Variants in SUCO observed in about 807,000 individuals in gnomAD.
The protein encoded by SUCO is SUN domain containing ossification factor, also known as SUN domain-containing ossification factor.
A neutral mutation model predicts 148.1 loss-of-function variants in SUCO; 57 were observed. That is an observed-to-expected ratio of 0.38 (90% CI 0.31 to 0.48). The LOEUF is 0.48. Among genes scored for constraint, SUCO ranks in the 20% least tolerant of loss-of-function variants. The pLI is 0.96. For synonymous variants in SUCO, 470 were observed against 502.7 expected, an observed-to-expected ratio of 0.93 and a Z score of 0.87; for missense variants, 1,331 against 1,468.2, an observed-to-expected ratio of 0.91 and a Z score of 1.53.
Position 172,565,549 on chromosome 1 carries a change from A to C in SUCO, c.733-3470A>C, listed in dbSNP as rs144435197. On this transcript the variant is annotated intron_variant, in intron 6 of 23. Transcript: ENST00000263688. Reference sequence around the variant, plus strand: ...ACCCAGAGTGCCTGCATTTCAGCCAACGAGGGTCCCTTCACCAATGCCAAA... The same window carrying C: ...ACCCAGAGTGCCTGCATTTCAGCCACCGAGGGTCCCTTCACCAATGCCAAA... Among the ~76,000 whole-genome samples, 161 of 152,268 alleles carry C rather than the reference A, an allele frequency of 1.1e-3. 1 individual carries two copies. Among genetic ancestry groups the C allele is most frequent in the African/African-American group, 3.5e-3 (144 of 41,536 alleles).
At chr1:172,570,942 T>C (rs1571229074) in intron 9 of SUCO, 1 of 463,302 alleles carries the variant, frequency 2.2e-6, no homozygotes, top group Admixed American at 3.8e-5. Context: ...TAAACAATTA[T>C]GAAATGGTAT....
At chr1:172,569,551 G>A in intron 7 of SUCO, 1 of 971,810 alleles carries the variant, frequency 1.0e-6, no homozygotes, top group Non-Finnish European at 1.2e-6. Flanking sequence ...CTAAAGAAAA[G>A]CTTGCTTATG....
chr1:172,533,217 C>G lies in SUCO; in HGVS notation c.-219C>G, dbSNP rs769175469. The stretch of plus-strand genomic sequence containing the variant: ...CCGGTGGCTGCAGCGGCGGCGGTCC[C>G]CGGAGTCCTGTGAAGCGCCCCTGTC... On this transcript the variant is annotated 5_prime_UTR_variant, in exon 1 of 24. Transcript: ENST00000263688. 7 of 1,532,928 alleles carry G rather than the reference C, an allele frequency of 4.6e-6. No homozygotes were observed. The South Asian group carries it at 8.4e-5, about 18-fold the overall frequency. The allele number at this position is 1,532,928 out of a possible 1,614,324, so 95.0% of individuals were successfully genotyped here.
upstream of SUCO, chr1:172,532,472 G>C: frequency 6.2e-7 from 1 of 1,611,070 alleles, no homozygotes; most frequent in East Asian, 2.2e-5. Flanking sequence ...CAACCAATCA[G>C]ATGAGAGGAT....
At chr1:172,594,096 G>T (rs1364415760) in intron 19 of SUCO, among the ~76,000 whole-genome samples, 1 of 152,098 alleles carries the variant, frequency 6.6e-6, no homozygotes, top group African/African-American at 2.4e-5. Context: ...ATGGTAGTTT[G>T]TATTTCTGTG....
chr1:172,555,819 T>A, intron 3 of SUCO, 50 bp from the exon 4 acceptor site: 1 of 1,449,004 alleles, frequency 6.9e-7, no homozygotes, highest in South Asian at 1.3e-5. Context: ...GCTAAAGAGA[T>A]GTTATATTAA....
Position 172,577,185 on chromosome 1 carries a change from ATACT to A in SUCO, c.1264-351_1264-348del, listed in dbSNP as rs991804591. 6 of 216,272 alleles carry A rather than the reference ATACT, an allele frequency of 2.8e-5. No homozygotes were observed. In the Admixed American group the frequency reaches 3.3e-4, roughly 12 times the overall value. 13.4% of individuals were successfully genotyped at this position (216,272 alleles called of 1,614,324 possible). A position where few individuals can be genotyped will look rare whatever the true frequency, so the allele number is the denominator to read the frequency against. ...GATATATACTTGATACATGTCTGTA[ATACT>A]TAAAGTAAAAGATTGTTTCTAGATA... On this transcript the variant is annotated intron_variant, in intron 11 of 23. Transcript: ENST00000263688.
chr1:172,568,412 T>C (rs1654711822), intron 6 of SUCO: 13 of 980,102 alleles, frequency 1.3e-5, no homozygotes, highest in Non-Finnish European at 1.6e-5. Context: ...GTGTGACTTA[T>C]TCGTCCATGT....
chr1:172,596,880 C>A (rs1389515648), intron 19 of SUCO, among the ~76,000 whole-genome samples: 3 of 152,214 alleles, frequency 2.0e-5, no homozygotes, highest in Admixed American at 6.5e-5. Flanking sequence ...TGCCCTGCCC[C>A]CAGAGACGGA....
At chr1:172,596,828 C>T (rs1289357437) in intron 19 of SUCO, among the ~76,000 whole-genome samples, 1 of 152,190 alleles carries the variant, frequency 6.6e-6, no homozygotes, top group Non-Finnish European at 1.5e-5. Context: ...CAGACGGGGA[C>T]GTTTAAGTCT....
intron 1 of SUCO, among the ~76,000 whole-genome samples, chr1:172,545,444 C>A (rs1652784613): frequency 6.6e-6 from 1 of 152,104 alleles, no homozygotes; most frequent in African/African-American, 2.4e-5. Context: ...AAATAGTGAA[C>A]AGAAGCAGCA....
intron 1 of SUCO, among the ~76,000 whole-genome samples, chr1:172,546,514 C>T (rs1316930395): frequency 1.3e-5 from 2 of 152,100 alleles, no homozygotes; most frequent in Non-Finnish European, 2.9e-5. Context: ...ATATGAAGGC[C>T]GTGTAGTAGT....
Position 172,597,706 on chromosome 1 carries a change from A to G in SUCO, c.2914-2358A>G, listed in dbSNP as rs150687298. 4.6e-3 allele frequency among the ~76,000 whole-genome samples: 701 copies of G among 152,078 alleles called. 7 individuals are homozygous for G. The highest frequency in any genetic ancestry group is 0.016 in the African/African-American group (674 of 41,468). On this transcript the variant is annotated intron_variant, in intron 19 of 23. Transcript: ENST00000263688. ...CTGATTTTAAGGGAACTATTCTAGT[A>G]TTGCACCTCTAGTGTGATATGTGTG...
chr1:172,582,730 A>G lies in SUCO; in HGVS notation c.1499-2288A>G, dbSNP rs193244522. Among the ~76,000 whole-genome samples, 73 of 152,276 alleles carry G rather than the reference A, an allele frequency of 4.8e-4. 2 individuals are homozygous for G. The highest frequency in any genetic ancestry group is 4.5e-3 in the Admixed American group (69 of 15,298). On this transcript the variant is annotated intron_variant, in intron 15 of 23. Transcript: ENST00000263688. ...TTCTGCTTTCTCTCAAAAGACAAAAAAGATACATTAGGCAGTGTTCTGTAA... is the reference window on the plus strand; with the variant it reads ...TTCTGCTTTCTCTCAAAAGACAAAAGAGATACATTAGGCAGTGTTCTGTAA...
At chr1:172,548,867 A>G (rs936045113) in intron 1 of SUCO, among the ~76,000 whole-genome samples, 5 of 152,124 alleles carry the variant, frequency 3.3e-5, no homozygotes, top group African/African-American at 1.2e-4. Flanking sequence ...TGAGCTTCTT[A>G]CATGGAATAT....
At chr1:172,569,306 C>T (rs1240826028) in intron 7 of SUCO, 164 bp downstream of exon 7, 4 of 794,430 alleles carry the variant, frequency 5.0e-6, no homozygotes, top group Non-Finnish European at 6.1e-6. Context: ...CATCATGTAC[C>T]TGTATATAAT....
At chr1:172,577,666 A>T (rs1655550915) in intron 12 of SUCO, 98 bp from the exon 13 acceptor site, 1 of 1,568,046 alleles carries the variant, frequency 6.4e-7, no homozygotes. Flanking sequence ...ACTTTATAGA[A>T]ATGTTTAGAA....
intron 15 of SUCO, among the ~76,000 whole-genome samples, chr1:172,583,283 A>G (rs577832120): frequency 1.3e-5 from 2 of 152,296 alleles, no homozygotes; most frequent in Admixed American, 1.3e-4. Flanking sequence ...TCTGTTTATC[A>G]GTTTGCCAGG....
intron 19 of SUCO, among the ~76,000 whole-genome samples, chr1:172,596,307 C>A (rs983032594): frequency 6.6e-6 from 1 of 152,240 alleles, no homozygotes; most frequent in Admixed American, 6.5e-5. Flanking sequence ...ATTCTCCATC[C>A]AGCTTTGTTC....
Sources: allele counts gnomAD v4.1 joint callset (sites outside exome capture counted in the v4.1 genomes callset), GRCh38; gene constraint gnomAD v4.1.1; transcripts MANE v1.5; gene names NCBI Gene and HGNC (gene_info 2026-07-23, HGNC 2026-07-21).